DSE: variants seen among roughly 807,000 people sequenced by gnomAD.
DSE encodes the protein dermatan-sulfate epimerase.
In DSE, 36 loss-of-function variants were observed where a neutral mutation model predicts 84.4. The observed-to-expected ratio is 0.43, with a 90% CI of 0.33 to 0.56. The LOEUF is 0.56. Ranked by LOEUF, DSE falls within the 20% of genes least tolerant of loss-of-function variation. The pLI is 0.06. For missense variants in DSE, 862 were observed against 1,169.6 expected, an observed-to-expected ratio of 0.74 and a Z score of 3.84; for synonymous variants, 410 against 430.1, an observed-to-expected ratio of 0.95 and a Z score of 0.58.
chr6:116,338,219 CTTTTTT>C (rs893312210), intron 2 of DSE, among the ~76,000 whole-genome samples: 1,127 of 91,204 alleles, frequency 0.012, 3 homozygotes, highest in Non-Finnish European at 0.016. Flanking sequence ...TTTCTTCTTT[CTTTTTT>C]TTTTTTTTTT....
rs147725389 is a variant in DSE, at chr6:116,382,233, T to C, written c.-54+11112T>C. ...GGTTAGGACTTCAACATATGAATTT[T>C]TGTGGAACAAAATTTAACCTTTAAC... On this transcript the variant is annotated intron_variant, in intron 1 of 5. Transcript: ENST00000644252. Among the ~76,000 whole-genome samples, 1,073 of 152,286 alleles carry C rather than the reference T, an allele frequency of 7.0e-3. 24 individuals carry two copies. The highest frequency in any genetic ancestry group is 0.057 in the South Asian group (275 of 4,824).
rs1489605859 is a variant in DSE at position 116,439,468 on chromosome 6, C to A, written c.*2123C>A. On this transcript the variant is annotated 3_prime_UTR_variant, in exon 6 of 6. Transcript: ENST00000644252. ...CTTCTAATGAACCTGGTATTTATTT[C>A]CTTAAAAAGAAACTTCCTCAGGCAG... 1 of 146,826 alleles carries A rather than the reference C, an allele frequency of 6.8e-6. No homozygotes were observed. The highest frequency in any genetic ancestry group is 1.5e-5 in the Non-Finnish European group (1 of 67,036). The allele number at this position is 146,826 out of a possible 1,614,324, so 9.1% of individuals were successfully genotyped here.
At chr6:116,358,566 C>G (rs904970817) in intron 2 of DSE, among the ~76,000 whole-genome samples, 2 of 152,200 alleles carry the variant, frequency 1.3e-5, no homozygotes, top group Non-Finnish European at 2.9e-5. Context: ...GAGCTGATAG[C>G]TTCTAGGCTG....
At chr6:116,320,383 T>C (rs1351432646) in intron 2 of DSE, among the ~76,000 whole-genome samples, 3 of 151,724 alleles carry the variant, frequency 2.0e-5, no homozygotes, top group Non-Finnish European at 2.9e-5. Flanking sequence ...TTTTTTTTTA[T>C]CCTCCTTCAA....
At chr6:116,420,098 A>G (rs1175001351) in intron 2 of DSE, among the ~76,000 whole-genome samples, 2 of 152,176 alleles carry the variant, frequency 1.3e-5, no homozygotes, top group Non-Finnish European at 2.9e-5. Context: ...TATGAGTTCT[A>G]TTGTTTCTAG....
At chr6:116,399,172 C>T (rs1461747595) in intron 1 of DSE, 26 bp from the exon 2 acceptor site, 4 of 1,590,968 alleles carry the variant, frequency 2.5e-6, no homozygotes, top group South Asian at 1.1e-5. Flanking sequence ...CTGACAGACA[C>T]TTTTTTTCCT....
chr6:116,368,681 T>TA (rs1779312052), upstream of DSE, among the ~76,000 whole-genome samples: 1 of 152,244 alleles, frequency 6.6e-6, no homozygotes, highest in Admixed American at 6.5e-5. Flanking sequence ...ACAAAGCCAT[T>TA]AAACATCTTT....
At chr6:116,352,346 G>C (rs1778354479) in intron 2 of DSE, among the ~76,000 whole-genome samples, 1 of 152,114 alleles carries the variant, frequency 6.6e-6, no homozygotes, top group Non-Finnish European at 1.5e-5. Flanking sequence ...AAAATGGCTG[G>C]TCAGAACCAT....
chr6:116,328,634 G>A (rs1206049979), intron 2 of DSE, among the ~76,000 whole-genome samples: 4 of 152,144 alleles, frequency 2.6e-5, no homozygotes, highest in South Asian at 2.1e-4. Flanking sequence ...ACATTGTAAT[G>A]ATTCAAGCAA....
intron 2 of DSE, among the ~76,000 whole-genome samples, chr6:116,419,075 G>A (rs753365195): frequency 2.0e-5 from 3 of 152,058 alleles, no homozygotes; most frequent in South Asian, 2.1e-4. Flanking sequence ...GAATATGGAC[G>A]CCAAGCCAGG....
chr6:116,413,174 A>G lies in DSE; in HGVS notation c.417-13400A>G, dbSNP rs183029153. 1.3e-3 allele frequency among the ~76,000 whole-genome samples: 203 copies of G among 152,324 alleles called. 1 individual carries two copies. Among genetic ancestry groups the G allele is most frequent in the African/African-American group, 4.6e-3 (191 of 41,566 alleles). ...AGTGGACGCACAAGCTGATGCACAC[A>G]TAACTTCAACTTTACATATATAAAT... On this transcript the variant is annotated intron_variant, in intron 2 of 5. Transcript: ENST00000644252.
At chr6:116,365,450 T>C, upstream of DSE, among the ~76,000 whole-genome samples, 1 of 151,862 alleles carries the variant, frequency 6.6e-6, no homozygotes, top group Admixed American at 6.6e-5. Context: ...AGACGGGGTT[T>C]CACCATGTTA....
At chr6:116,289,607 A>G (rs1419905461) in intron 2 of DSE, among the ~76,000 whole-genome samples, 2 of 152,034 alleles carry the variant, frequency 1.3e-5, no homozygotes, top group South Asian at 4.1e-4. Flanking sequence ...GAACCTTTTC[A>G]GAACAACTAG....
At chr6:116,428,080 T>C (rs1004038938) in intron 3 of DSE, among the ~76,000 whole-genome samples, 2 of 152,082 alleles carry the variant, frequency 1.3e-5, no homozygotes, top group African/African-American at 4.8e-5. Context: ...TCCCAGCTAC[T>C]CAGGAGGCTG....
At chr6:116,341,103 C>G (rs571832056) in intron 2 of DSE, among the ~76,000 whole-genome samples, 5 of 152,358 alleles carry the variant, frequency 3.3e-5, no homozygotes, top group Admixed American at 3.3e-4. Flanking sequence ...ACACTCCCAA[C>G]AGTGTAAAAG....
intron 2 of DSE, among the ~76,000 whole-genome samples, chr6:116,274,862 G>A (rs1388514163): frequency 6.6e-6 from 1 of 152,130 alleles, no homozygotes; most frequent in Non-Finnish European, 1.5e-5. Flanking sequence ...GGAGGAGAAA[G>A]TATTAACATG....
At chr6:116,341,741 A>G (rs1317811002) in intron 2 of DSE, among the ~76,000 whole-genome samples, 1 of 152,242 alleles carries the variant, frequency 6.6e-6, no homozygotes, top group Non-Finnish European at 1.5e-5. Flanking sequence ...ACCATTTATG[A>G]AACAGGGAAT....
chr6:116,345,085 G>T (rs1777866326), intron 2 of DSE, among the ~76,000 whole-genome samples: 1 of 152,130 alleles, frequency 6.6e-6, no homozygotes, highest in African/African-American at 2.4e-5. Context: ...AAATATATAT[G>T]CACCCAATAC....
At chr6:116,416,349 CTGTGTGTGTGTGTGTGTG>C (rs59237926) in intron 2 of DSE, among the ~76,000 whole-genome samples, 12 of 134,040 alleles carry the variant, frequency 9.0e-5, no homozygotes, top group East Asian at 2.3e-4. Flanking sequence ...CTAATTGCCA[CTGTGTGTGTGTGTGTGTG>C]TGTGTGTGTG....
Sources: allele counts gnomAD v4.1 joint callset (sites outside exome capture counted in the v4.1 genomes callset), GRCh38; gene constraint gnomAD v4.1.1; transcripts MANE v1.5; gene names NCBI Gene and HGNC (gene_info 2026-07-23, HGNC 2026-07-21).